Variants in TRMT11 observed in about 807,000 individuals in gnomAD.
TRMT11 encodes tRNA (guanine(10)-N(2))-methyltransferase TRMT11.
A neutral mutation model predicts 62.8 loss-of-function variants in TRMT11; 53 were observed. That is an observed-to-expected ratio of 0.84 (90% CI 0.68 to 1.06). The LOEUF (loss-of-function observed/expected upper bound fraction) is 1.06, where lower values mean the gene tolerates loss of function less well. Among genes scored for constraint, TRMT11 ranks in the 50% least tolerant of loss-of-function variants. TRMT11 has a pLI of 0.00. For missense variants in TRMT11, 556 were observed against 553.4 expected, an observed-to-expected ratio of 1.00 and a Z score of -0.05; for synonymous variants, 188 against 190.3, an observed-to-expected ratio of 0.99 and a Z score of 0.10.
chr6:126,221,514 A>G, the TRMT11 span, among the ~76,000 whole-genome samples: 1 of 152,166 alleles, frequency 6.6e-6, no homozygotes, highest in Non-Finnish European at 1.5e-5. Context: ...GATTAGTAAC[A>G]TTGAGCATCT....
chr6:126,135,039 T>A (rs929892988), intron 21 of TRMT11, among the ~76,000 whole-genome samples: 7 of 151,070 alleles, frequency 4.6e-5, no homozygotes, highest in Non-Finnish European at 7.4e-5. Flanking sequence ...ATCCAAATAA[T>A]AAAAAAAATT....
intron 17 of TRMT11, among the ~76,000 whole-genome samples, chr6:126,077,952 C>G (rs1777067069): frequency 6.6e-6 from 1 of 152,142 alleles, no homozygotes; most frequent in Non-Finnish European, 1.5e-5. Context: ...ACCTATCCCC[C>G]TGCTGAACAA....
chr6:126,184,669 C>T (rs1778506610), intron 1 of TRMT11, among the ~76,000 whole-genome samples: 1 of 152,066 alleles, frequency 6.6e-6, no homozygotes, highest in Non-Finnish European at 1.5e-5. Flanking sequence ...TTCCTTCAGA[C>T]CTTCTTGGGC....
chr6:126,129,633 C>G (rs975171313), intron 21 of TRMT11, among the ~76,000 whole-genome samples: 1 of 152,004 alleles, frequency 6.6e-6, no homozygotes, highest in Admixed American at 6.6e-5. Flanking sequence ...GGTGATCCTC[C>G]TGCTTCAGCC....
intron 21 of TRMT11, among the ~76,000 whole-genome samples, chr6:126,161,807 G>A (rs1778194217): frequency 6.6e-6 from 1 of 152,122 alleles, no homozygotes; most frequent in Admixed American, 6.5e-5. Context: ...CTCATTTGTG[G>A]TTTTGATTTG....
exon 1 of TRMT11, chr6:126,177,210 T>C (rs1316979419): frequency 6.6e-6 from 1 of 152,184 alleles, no homozygotes; most frequent in African/African-American, 2.4e-5. Context: ...TAAAATATGC[T>C]TGAACTTGGG....
chr6:126,135,418 C>T (rs953957833), intron 21 of TRMT11, among the ~76,000 whole-genome samples: 2 of 151,550 alleles, frequency 1.3e-5, no homozygotes, highest in Admixed American at 1.3e-4. Context: ...ACACATACAA[C>T]TCACCAAGAT....
chr6:126,221,102 T>G, the TRMT11 span, among the ~76,000 whole-genome samples: 1 of 152,224 alleles, frequency 6.6e-6, no homozygotes, highest in Non-Finnish European at 1.5e-5. Flanking sequence ...TCATTCCTTT[T>G]CATGACTGCA....
chr6:126,059,292 A>AT (rs1776463304), intron 17 of TRMT11, among the ~76,000 whole-genome samples: 1 of 152,112 alleles, frequency 6.6e-6, no homozygotes, highest in Admixed American at 6.5e-5. Flanking sequence ...TTGAGTTTCT[A>AT]TCCTCTCTAA....
chr6:126,080,895 C>G (rs1777147177), intron 17 of TRMT11, among the ~76,000 whole-genome samples: 1 of 152,158 alleles, frequency 6.6e-6, no homozygotes, highest in African/African-American at 2.4e-5. Flanking sequence ...CACATTGGCT[C>G]TATGACCCCT....
intron 12 of TRMT11, among the ~76,000 whole-genome samples, chr6:126,034,527 C>T (rs1212053184): frequency 6.6e-6 from 1 of 152,080 alleles, no homozygotes; most frequent in South Asian, 2.1e-4. Flanking sequence ...ATAGTATAGT[C>T]AATAGTCTTA....
the TRMT11 span, among the ~76,000 whole-genome samples, chr6:126,249,572 T>G: frequency 1.3e-5 from 2 of 152,270 alleles, no homozygotes; most frequent in South Asian, 4.1e-4. Flanking sequence ...AAATGTGAGA[T>G]AATGCCTAAA....
At chr6:125,988,931 T>A (rs1158470774) in intron 1 of TRMT11, among the ~76,000 whole-genome samples, 1 of 152,136 alleles carries the variant, frequency 6.6e-6, no homozygotes, top group Non-Finnish European at 1.5e-5. Flanking sequence ...AAAGGACATG[T>A]TCTGTTGGTG....
chr6:126,154,339 A>ATGTG (rs66827988), intron 21 of TRMT11, among the ~76,000 whole-genome samples: 23 of 122,948 alleles, frequency 1.9e-4, no homozygotes, highest in African/African-American at 4.2e-4. Context: ...GTGTGTGTGT[A>ATGTG]TGTGTGTGTG....
chr6:126,038,022 T>C (rs1168563940), intron 12 of TRMT11, among the ~76,000 whole-genome samples: 1 of 152,062 alleles, frequency 6.6e-6, no homozygotes, highest in Non-Finnish European at 1.5e-5. Flanking sequence ...AGTGTTTCAG[T>C]GTTTCCTGCC....
the TRMT11 span, among the ~76,000 whole-genome samples, chr6:126,240,187 T>C: frequency 1.3e-5 from 2 of 152,234 alleles, no homozygotes; most frequent in East Asian, 3.9e-4. Context: ...GTTTGATCGT[T>C]TGAAGCCTTC....
the TRMT11 span, among the ~76,000 whole-genome samples, chr6:126,235,649 A>G: frequency 6.6e-6 from 1 of 152,184 alleles, no homozygotes; most frequent in Non-Finnish European, 1.5e-5. Context: ...GTGCTGAATG[A>G]TGAGAACACA....
chr6:126,220,379 G>A, the TRMT11 span, among the ~76,000 whole-genome samples: 7 of 152,126 alleles, frequency 4.6e-5, no homozygotes, highest in Non-Finnish European at 7.4e-5. Context: ...AATTTGGAAG[G>A]TTTGCCCACA....
intron 21 of TRMT11, among the ~76,000 whole-genome samples, chr6:126,119,059 C>G (rs930766844): frequency 6.6e-6 from 1 of 152,088 alleles, no homozygotes; most frequent in Non-Finnish European, 1.5e-5. Flanking sequence ...ATCCAAATCC[C>G]TGGGTCCAAA....
Sources: gnomAD v4.1 joint callset for allele counts (sites outside exome capture counted in the v4.1 genomes callset) on GRCh38, gnomAD v4.1.1 for gene constraint, MANE v1.5 for transcripts, NCBI Gene and HGNC (gene_info 2026-07-23, HGNC 2026-07-21) for gene names.